The following KALRN variants were observed in gnomAD, a reference collection of about 807,000 sequenced individuals.
KALRN encodes the protein kalirin.
A neutral mutation model predicts 353.7 loss-of-function variants in KALRN; 70 were observed. The ratio of observed to expected loss-of-function variants is 0.20; its 90% CI spans 0.16 to 0.24. The LOEUF (loss-of-function observed/expected upper bound fraction) is 0.24, where lower values mean the gene tolerates loss of function less well. Among genes scored for constraint, KALRN ranks in the 10% least tolerant of loss-of-function variants. The pLI is 1.00. For missense variants in KALRN, 2,791 were observed against 3,756.7 expected, an observed-to-expected ratio of 0.74 and a Z score of 6.72; for synonymous variants, 1,391 against 1,434.8, an observed-to-expected ratio of 0.97 and a Z score of 0.69.
At chr3:124,133,709 G>A (rs2065584974) in intron 1 of KALRN, among the ~76,000 whole-genome samples, 1 of 152,176 alleles carries the variant, frequency 6.6e-6, no homozygotes, top group Non-Finnish European at 1.5e-5. Context: ...CATCAGGGAG[G>A]GCTACCTGAG....
In KALRN at chr3:124,413,571, C is replaced by T. The variant is rs988749057; in HGVS notation, c.2448C>T (p.His816=). ...LTLAEQRLQR[H]TERKLAMNNM... is the part of the protein sequence containing the mutation. The stretch of plus-strand genomic sequence containing the variant: ...TGGCAGAACAGCGGCTGCAGCGCCA[C>T]ACAGAACGGAAGCTAGCCATGAACA... The change falls in exon 14 of 60, where the codon CAC becomes CAT. Residue 816 remains histidine (H), a synonymous_variant. Transcript: ENST00000682506. 1.2e-6 allele frequency: 2 copies of T among 1,614,108 alleles called. No homozygotes were observed. The highest frequency in any genetic ancestry group is 1.7e-5 in the Admixed American group (1 of 60,012).
intron 33 of KALRN, among the ~76,000 whole-genome samples, chr3:124,511,959 A>G (rs2065955336): frequency 6.6e-6 from 1 of 152,222 alleles, no homozygotes; most frequent in South Asian, 2.1e-4. Flanking sequence ...CCACTGAATC[A>G]CAAGATCCAT....
intron 34 of KALRN, among the ~76,000 whole-genome samples, chr3:124,569,842 T>C (rs1186763594): frequency 6.6e-6 from 1 of 152,230 alleles, no homozygotes; most frequent in Non-Finnish European, 1.5e-5. Flanking sequence ...GGAGTGGTAG[T>C]AATCAGAGAC....
At chr3:124,448,995 CA>C (rs1429968258) in intron 21 of KALRN, among the ~76,000 whole-genome samples, 3 of 152,128 alleles carry the variant, frequency 2.0e-5, no homozygotes, top group Non-Finnish European at 4.4e-5. Flanking sequence ...TATCATGTTC[CA>C]AATCTCATGG....
intron 1 of KALRN, among the ~76,000 whole-genome samples, chr3:124,223,107 A>C (rs926818882): frequency 2.0e-5 from 3 of 150,930 alleles, no homozygotes; most frequent in African/African-American, 7.3e-5. Flanking sequence ...TGTCTCTGAT[A>C]ACAGTTAATT....
At chr3:124,159,591 T>A (rs1235105459) in intron 1 of KALRN, among the ~76,000 whole-genome samples, 3 of 118,896 alleles carry the variant, frequency 2.5e-5, no homozygotes, top group South Asian at 2.8e-4. Context: ...TTTTTTTTTT[T>A]AAACTTTCTA....
intron 1 of KALRN, among the ~76,000 whole-genome samples, chr3:124,118,879 T>G (rs72972613): frequency 6.6e-6 from 1 of 152,140 alleles, no homozygotes; most frequent in Non-Finnish European, 1.5e-5. Flanking sequence ...CAGCAGTATA[T>G]GTATCCCCAT....
intron 1 of KALRN, among the ~76,000 whole-genome samples, chr3:124,172,744 C>T: frequency 6.6e-6 from 1 of 152,080 alleles, no homozygotes; most frequent in East Asian, 1.9e-4. Flanking sequence ...CAATGCTGTG[C>T]TCCCTGTGTG....
At chr3:124,697,819 C>A in intron 55 of KALRN, 95 bp downstream of exon 55, 1 of 1,268,828 alleles carries the variant, frequency 7.9e-7, no homozygotes, top group Non-Finnish European at 1.1e-6. Flanking sequence ...ATTTACCATG[C>A]TAACCATTTT....
At chr3:124,314,452 A>G (rs1580845486) in intron 6 of KALRN, among the ~76,000 whole-genome samples, 2 of 152,214 alleles carry the variant, frequency 1.3e-5, no homozygotes, top group African/African-American at 4.8e-5. Flanking sequence ...ATACATATGT[A>G]ACAAACCCAC....
At chr3:124,039,342 C>T (rs1311564869) in intron 1 of KALRN, among the ~76,000 whole-genome samples, 56 of 152,204 alleles carry the variant, frequency 3.7e-4, no homozygotes, top group Non-Finnish European at 1.0e-4. Context: ...CATTTTCTCA[C>T]TTCATTAGTA....
At chr3:124,313,130 G>C (rs2078446405) in intron 6 of KALRN, among the ~76,000 whole-genome samples, 1 of 152,158 alleles carries the variant, frequency 6.6e-6, no homozygotes, top group African/African-American at 2.4e-5. Flanking sequence ...TTCAGGGATG[G>C]ACATGCTTAC....
At chr3:124,654,310 T>C (rs967960765) in intron 38 of KALRN, among the ~76,000 whole-genome samples, 5 of 152,226 alleles carry the variant, frequency 3.3e-5, no homozygotes, top group African/African-American at 1.2e-4. Flanking sequence ...TGTGTTCCTC[T>C]GCTTCCTCCC....
intron 33 of KALRN, among the ~76,000 whole-genome samples, chr3:124,545,330 C>T (rs2069510017): frequency 6.6e-6 from 1 of 152,110 alleles, no homozygotes; most frequent in South Asian, 2.1e-4. Context: ...AACATTAGAC[C>T]CTGGGAAATT....
At chr3:124,138,291 T>C (rs983648869) in intron 1 of KALRN, among the ~76,000 whole-genome samples, 1 of 151,894 alleles carries the variant, frequency 6.6e-6, no homozygotes, top group Admixed American at 6.5e-5. Context: ...AGACCTACTC[T>C]TTTCCACTCC....
chr3:124,581,254 A>G (rs6797196), intron 34 of KALRN, among the ~76,000 whole-genome samples: 37,829 of 151,922 alleles, frequency 0.25, 4,873 homozygotes, highest in East Asian at 0.33. Flanking sequence ...TTAGATGTGC[A>G]TGGTGGTGCA....
intron 19 of KALRN, among the ~76,000 whole-genome samples, chr3:124,443,931 T>C (rs781431489): frequency 6.6e-6 from 1 of 152,214 alleles, no homozygotes; most frequent in Non-Finnish European, 1.5e-5. Flanking sequence ...CCTTGCCCAA[T>C]TGAAGCTTCC....
intron 14 of KALRN, among the ~76,000 whole-genome samples, chr3:124,420,559 C>G (rs1019125907): frequency 6.6e-6 from 1 of 152,144 alleles, no homozygotes; most frequent in Non-Finnish European, 1.5e-5. Context: ...ACCTCATCCC[C>G]TTGGTAATTG....
chr3:124,437,025 G>A (rs821887), intron 17 of KALRN, among the ~76,000 whole-genome samples: 161 of 129,606 alleles, frequency 1.2e-3, no homozygotes, highest in South Asian at 2.1e-3. Context: ...AGATGGGACT[G>A]GAGAAGTCAC....
Sources: allele counts gnomAD v4.1 joint callset (sites outside exome capture counted in the v4.1 genomes callset), GRCh38; gene constraint gnomAD v4.1.1; transcripts MANE v1.5; gene names NCBI Gene and HGNC (gene_info 2026-07-23, HGNC 2026-07-21).